GDA: variants seen among roughly 807,000 people sequenced by gnomAD.
GDA encodes guanine deaminase, also known as cytoplasmic PSD-95 interactor.
GDA carries 18 observed loss-of-function variants against 59.6 expected under a neutral mutation model. That is an observed-to-expected ratio of 0.30 (90% CI 0.21 to 0.45). The LOEUF is 0.45. Ranked by LOEUF, GDA falls within the 20% of genes least tolerant of loss-of-function variation. The probability of loss-of-function intolerance (pLI) is 1.00; values close to 1 mark genes in which losing one functional copy is unlikely to be tolerated. For missense variants in GDA, 427 were observed against 552.3 expected (o/e 0.77, Z 2.27); for synonymous variants, 201 against 201.1 (o/e 1.00, Z 0.00).
At chr9:72,158,012 C>T (rs1313608936) in intron 1 of GDA, among the ~76,000 whole-genome samples, 1 of 152,108 alleles carries the variant, frequency 6.6e-6, no homozygotes, top group Non-Finnish European at 1.5e-5. Context: ...TTTTTATATC[C>T]CCATTTCCAT....
intron 8 of GDA, 139 bp downstream of exon 8, chr9:72,225,923 T>C: frequency 1.9e-6 from 1 of 540,298 alleles, no homozygotes; most frequent in Admixed American, 3.5e-5. Context: ...TTTTTGTGGG[T>C]ACACAGAAAG....
upstream of GDA, among the ~76,000 whole-genome samples, chr9:72,148,015 T>C (rs979460614): frequency 1.3e-5 from 2 of 152,182 alleles, no homozygotes; most frequent in African/African-American, 4.8e-5. Flanking sequence ...GATTTGTTGG[T>C]CACCTTAGAC....
intron 3 of GDA, among the ~76,000 whole-genome samples, chr9:72,208,415 A>G (rs1454001622): frequency 6.6e-6 from 1 of 152,228 alleles, no homozygotes; most frequent in Non-Finnish European, 1.5e-5. Context: ...CAAAGTATTC[A>G]ATCCACTAGT....
chr9:72,245,088 A>G (rs1026130741), intron 11 of GDA, 60 bp from the exon 12 acceptor site: 41 of 1,535,790 alleles, frequency 2.7e-5, no homozygotes, highest in Non-Finnish European at 3.4e-5. Flanking sequence ...TTACAAACTG[A>G]GACATTAGTG....
intron 8 of GDA, among the ~76,000 whole-genome samples, chr9:72,226,541 T>G (rs1432260232): frequency 6.6e-6 from 1 of 152,220 alleles, no homozygotes; most frequent in Non-Finnish European, 1.5e-5. Context: ...TTAATATGTG[T>G]GAAGAGACCT....
intron 2 of GDA, among the ~76,000 whole-genome samples, chr9:72,199,342 G>T (rs1833637016): frequency 6.6e-6 from 1 of 152,064 alleles, no homozygotes; most frequent in East Asian, 1.9e-4. Context: ...ATTTCACGAT[G>T]CTTACTATTT....
intron 3 of GDA, among the ~76,000 whole-genome samples, chr9:72,209,648 T>C (rs1835126748): frequency 6.6e-6 from 1 of 152,108 alleles, no homozygotes; most frequent in African/African-American, 2.4e-5. Flanking sequence ...CCAATGCCTA[T>C]CAAACCCTGG....
upstream of GDA, chr9:72,149,435 G>T (rs1195422969): frequency 3.5e-6 from 4 of 1,159,386 alleles, no homozygotes; most frequent in Non-Finnish European, 4.7e-6. Context: ...CGGGTAAGCG[G>T]GGGCAGGACA....
chr9:72,234,554 G>A (rs17579544), intron 10 of GDA, among the ~76,000 whole-genome samples: 24,468 of 152,086 alleles, frequency 0.16, 2,182 homozygotes, highest in Middle Eastern at 0.29. Flanking sequence ...GAGGATGATC[G>A]ATGTGAAGCC....
At chr9:72,203,473 G>A (rs530525384) in intron 3 of GDA, among the ~76,000 whole-genome samples, 3 of 152,292 alleles carry the variant, frequency 2.0e-5, no homozygotes, top group Admixed American at 2.0e-4. Context: ...TATGTTGAAG[G>A]CTCTGAAAGT....
upstream of GDA, among the ~76,000 whole-genome samples, chr9:72,146,572 T>C (rs146253164): frequency 6.6e-6 from 1 of 152,056 alleles, no homozygotes; most frequent in East Asian, 1.9e-4. Flanking sequence ...CTCACTGCAA[T>C]CTCTGCCTCC....
Position 72,249,387 on chromosome 9 carries a change from A to G in GDA, c.*1045A>G. On this transcript the variant is annotated 3_prime_UTR_variant, in exon 14 of 14. Coordinates refer to ENST00000358399, the MANE Select transcript of GDA (RefSeq NM_004293.5). ...ATGAAGGACAAATCCTGTTAAAGAAATATTGTTAAAAATCTTTAAACCCTG... is the reference window on the plus strand; with the variant it reads ...ATGAAGGACAAATCCTGTTAAAGAAGTATTGTTAAAAATCTTTAAACCCTG... 1 of 966,634 alleles carries G rather than the reference A, an allele frequency of 1.0e-6. No homozygotes were observed. 59.9% of individuals were successfully genotyped at this position (966,634 alleles called of 1,614,324 possible). A position where few individuals can be genotyped will look rare whatever the true frequency, so the allele number is the denominator to read the frequency against.
chr9:72,123,247 G>A (rs1168400065), intron 1 of GDA, among the ~76,000 whole-genome samples: 2 of 145,600 alleles, frequency 1.4e-5, no homozygotes, highest in Admixed American at 6.9e-5. Context: ...GCAGTGGCGC[G>A]ATCTCGGCTC....
At chr9:72,202,476 A>G in intron 2 of GDA, 95 bp from the exon 3 acceptor site, 1 of 778,224 alleles carries the variant, frequency 1.3e-6, no homozygotes, top group South Asian at 1.7e-5. Flanking sequence ...GTGTGGGTGA[A>G]CAGTGAAATC....
chr9:72,177,727 C>T (rs751764230), intron 1 of GDA, among the ~76,000 whole-genome samples: 5 of 152,152 alleles, frequency 3.3e-5, no homozygotes, highest in Non-Finnish European at 5.9e-5. Context: ...AACATTATAT[C>T]CTTTGAGCTT....
chr9:72,149,546 G>T lies in GDA; in HGVS notation c.-14G>T, dbSNP rs1554724753. 36 of 1,608,150 alleles carry T rather than the reference G, an allele frequency of 2.2e-5. No individual in the cohort carries two copies. The South Asian group carries it at 4.0e-4, about 18-fold the overall frequency. On this transcript the variant is annotated 5_prime_UTR_variant, in exon 1 of 14. Coordinates refer to ENST00000358399, the MANE Select transcript of GDA (RefSeq NM_004293.5). Reference sequence around the variant, plus strand: ...TCCTCGACCAGCAGACCCGCGCTGCGCTCCGCCGCTGACATGTGTGCCGCT... The same window carrying T: ...TCCTCGACCAGCAGACCCGCGCTGCTCTCCGCCGCTGACATGTGTGCCGCT...
intron 1 of GDA, among the ~76,000 whole-genome samples, chr9:72,181,977 C>T (rs1224432600): frequency 6.6e-6 from 1 of 152,038 alleles, no homozygotes; most frequent in Non-Finnish European, 1.5e-5. Context: ...ACAAAATTTG[C>T]TTCATTATTC....
rs1362210043 is a variant in GDA at position 72,149,570 on chromosome 9, C to G, written c.11C>G (p.Ala4Gly). 1 of 1,611,400 alleles carries G rather than the reference C, an allele frequency of 6.2e-7. No homozygotes were observed. Among genetic ancestry groups the G allele is most frequent in the African/African-American group, 1.3e-5 (1 of 74,558 alleles). Residue 4 changes from alanine (A) to glycine (G), a missense_variant, in exon 1 of 14, where the codon GCT (alanine) becomes GGT (glycine). By Grantham distance (60) the Ala-to-Gly change is moderately conservative. Transcript: ENST00000358399. ...CGCTCCGCCGCTGACATGTGTGCCG[C>G]TCAGATGCCGCCCCTGGCGCACATC... is the stretch of plus-strand genomic sequence containing the variant. MCAAQMPPLAHIFR... is the reference protein window; with the variant it reads MCAGQMPPLAHIFR...
At chr9:72,148,340 TG>T (rs1826781030), upstream of GDA, among the ~76,000 whole-genome samples, 1 of 149,930 alleles carries the variant, frequency 6.7e-6, no homozygotes, top group African/African-American at 2.5e-5. Context: ...TGTGTGTGTG[TG>T]TGTGTGTGTG....
Sources: allele counts gnomAD v4.1 joint callset (sites outside exome capture counted in the v4.1 genomes callset), GRCh38; gene constraint gnomAD v4.1.1; transcripts MANE v1.5; gene names NCBI Gene and HGNC (gene_info 2026-07-23, HGNC 2026-07-21).